The following COL9A1 variants were observed in gnomAD, a reference collection of about 807,000 sequenced individuals.
COL9A1 encodes collagen alpha-1(IX) chain.
COL9A1 carries 104 observed loss-of-function variants against 142.6 expected under a neutral mutation model. That is an observed-to-expected ratio of 0.73 (90% CI 0.62 to 0.86). COL9A1 has a LOEUF of 0.86. Ranked by LOEUF, COL9A1 falls within the 40% of genes least tolerant of loss-of-function variation. The probability of loss-of-function intolerance (pLI) is 0.00; values close to 1 mark genes in which losing one functional copy is unlikely to be tolerated. For synonymous variants in COL9A1, 466 were observed against 396.0 expected, an observed-to-expected ratio of 1.18 and a Z score of -2.10; for missense variants, 1,210 against 1,176.6, an observed-to-expected ratio of 1.03 and a Z score of -0.42.
intron 20 of COL9A1, 102 bp from the exon 21 acceptor site, chr6:70,256,923 G>GT: frequency 9.4e-7 from 1 of 1,067,580 alleles, no homozygotes; most frequent in East Asian, 2.5e-5. Flanking sequence ...TGAAAAGGAG[G>GT]TTTTGTGCCT....
chr6:70,256,915 A>C, intron 20 of COL9A1, 94 bp from the exon 21 acceptor site: 1 of 1,209,712 alleles, frequency 8.3e-7, no homozygotes, highest in Non-Finnish European at 1.2e-6. Context: ...TAGCCAGATG[A>C]AAAGGAGGTT....
chr6:70,250,558 G>A (rs897945621), intron 28 of COL9A1, among the ~76,000 whole-genome samples: 4 of 152,192 alleles, frequency 2.6e-5, no homozygotes, highest in Admixed American at 6.5e-5. Context: ...GGTGGAAGTC[G>A]GCTGACAAAT....
intron 21 of COL9A1, 113 bp downstream of exon 21, chr6:70,256,655 T>A (rs949143547): frequency 2.7e-6 from 2 of 746,912 alleles, no homozygotes; most frequent in African/African-American, 3.5e-5. Context: ...TATATATAAA[T>A]TGTCCACTTT....
chr6:70,231,339 G>A (rs1319855680), intron 36 of COL9A1, among the ~76,000 whole-genome samples: 1 of 152,184 alleles, frequency 6.6e-6, no homozygotes, highest in African/African-American at 2.4e-5. Context: ...ACTAACCATA[G>A]AGAGAGCACC....
chr6:70,281,047 G>A lies in COL9A1; in HGVS notation c.877-8C>T. On this transcript the variant is annotated splice_region_variant and splice_polypyrimidine_tract_variant and intron_variant, in intron 8 of 37. Coordinates refer to ENST00000357250, the MANE Select transcript of COL9A1 (RefSeq NM_001851.6). ...CTTAGGACCTCGGTCACCCTGGAGG[G>A]GTAGGAGAAAAAGAGAGAGCAGTCT... 4 of 1,606,036 alleles carry A rather than the reference G, an allele frequency of 2.5e-6. No individual in the cohort carries two copies. The highest frequency in any genetic ancestry group is 2.2e-5 in the East Asian group (1 of 44,760).
intron 26 of COL9A1, 118 bp downstream of exon 26, chr6:70,253,267 T>C: frequency 1.4e-6 from 1 of 699,922 alleles, no homozygotes; most frequent in East Asian, 2.8e-5. Flanking sequence ...CCTTTTTATT[T>C]CTCCCTAGGG....
At chr6:70,274,185 G>T (rs1055080138) in intron 11 of COL9A1, 103 bp from the exon 12 acceptor site, 48 of 693,646 alleles carry the variant, frequency 6.9e-5, no homozygotes, top group African/African-American at 6.9e-4. Flanking sequence ...CCATTATGGT[G>T]TTTTTTTTTT....
chr6:70,254,556 T>C lies in COL9A1; in HGVS notation c.1666-27A>G, dbSNP rs753915603. 1.9e-6 allele frequency: 3 copies of C among 1,611,156 alleles called. No individual in the cohort carries two copies. The South Asian group carries it at 3.3e-5, about 18-fold the overall frequency. On this transcript the variant is annotated intron_variant, in intron 24 of 37. Coordinates refer to ENST00000357250, the MANE Select transcript of COL9A1 (RefSeq NM_001851.6). ...TGCAAAAAAAGCTTTTATCACATGA[T>C]TGAACCTGTATGAGCTGCTGTATTT...
At chr6:70,258,842 A>G (rs1418296686) in intron 20 of COL9A1, among the ~76,000 whole-genome samples, 2 of 152,174 alleles carry the variant, frequency 1.3e-5, no homozygotes, top group South Asian at 2.1e-4. Context: ...ATCTCAAATG[A>G]AGACCATATC....
intron 37 of COL9A1, among the ~76,000 whole-genome samples, chr6:70,224,372 G>A (rs1583203273): frequency 2.0e-5 from 3 of 152,142 alleles, no homozygotes; most frequent in East Asian, 1.9e-4. Context: ...AGCACACATG[G>A]AGCTGATCTT....
chr6:70,270,716 T>C (rs540184642), intron 14 of COL9A1, among the ~76,000 whole-genome samples: 7 of 152,338 alleles, frequency 4.6e-5, no homozygotes, highest in Non-Finnish European at 8.8e-5. Flanking sequence ...GAGCAACCTA[T>C]ACTGCTAGTG....
rs370822868 is a variant in COL9A1, at chr6:70,283,730, G to T, written c.780+7C>A. 213 of 1,607,970 alleles carry T rather than the reference G, an allele frequency of 1.3e-4. No individual in the cohort carries two copies. The highest frequency in any genetic ancestry group is 8.3e-4 in the Middle Eastern group (5 of 6,056). Reference sequence around the variant, plus strand: ...AAGTGGCCTTTGCAGGTAGTCAGGGGACTCACCGTTATTCTGGCTGGCAGC... The same window carrying T: ...AAGTGGCCTTTGCAGGTAGTCAGGGTACTCACCGTTATTCTGGCTGGCAGC... On this transcript the variant is annotated splice_region_variant and intron_variant, in intron 6 of 37. Coordinates refer to ENST00000357250, the MANE Select transcript of COL9A1 (RefSeq NM_001851.6).
At position 70,216,498 on chromosome 6, in the gene COL9A1, T is replaced by C; in HGVS notation, c.*399A>G. On this transcript the variant is annotated 3_prime_UTR_variant, in exon 38 of 38. Coordinates refer to ENST00000357250, the MANE Select transcript of COL9A1 (RefSeq NM_001851.6). ...CTGAAACAATAATCTGAGAACAACT[T>C]CTAAATGAAAATAACTACTGCAACT... is the stretch of plus-strand genomic sequence containing the variant. 1 of 227,976 alleles carries C rather than the reference T, an allele frequency of 4.4e-6. No individual in the cohort carries two copies. The highest frequency in any genetic ancestry group is 6.4e-5 in the South Asian group (1 of 15,632). The allele number at this position is 227,976 out of a possible 1,614,324, so 14.1% of individuals were successfully genotyped here.
chr6:70,221,959 G>A (rs1768906012), intron 37 of COL9A1, among the ~76,000 whole-genome samples: 1 of 152,144 alleles, frequency 6.6e-6, no homozygotes, highest in African/African-American at 2.4e-5. Flanking sequence ...GAGAGGCAGA[G>A]AAAGAAGCGA....
chr6:70,286,754 A>G (rs1298073677), intron 5 of COL9A1, among the ~76,000 whole-genome samples: 1 of 152,204 alleles, frequency 6.6e-6, no homozygotes, highest in Admixed American at 6.5e-5. Context: ...TCCTAATTCT[A>G]TGTAGACTAA....
intron 29 of COL9A1, 75 bp downstream of exon 29, chr6:70,242,587 G>A (rs1770333301): frequency 1.6e-6 from 2 of 1,275,452 alleles, no homozygotes; most frequent in African/African-American, 2.9e-5. Context: ...ATTGTAAATT[G>A]TTTTCTCCTC....
intron 20 of COL9A1, among the ~76,000 whole-genome samples, chr6:70,257,115 C>T (rs1419153970): frequency 1.5e-5 from 2 of 133,636 alleles, no homozygotes; most frequent in African/African-American, 5.8e-5. Context: ...GGCTGGAGTG[C>T]AGTGGCGCCA....
intron 17 of COL9A1, among the ~76,000 whole-genome samples, chr6:70,268,422 C>T (rs750212166): frequency 1.3e-5 from 2 of 152,088 alleles, no homozygotes; most frequent in East Asian, 1.9e-4. Context: ...CCTCTGTTGT[C>T]CAGGTTGGTC....
intron 25 of COL9A1, 95 bp from the exon 26 acceptor site, chr6:70,253,524 T>A: frequency 1.1e-6 from 1 of 883,494 alleles, no homozygotes; most frequent in Non-Finnish European, 1.9e-6. Flanking sequence ...GCTGAGGGAA[T>A]CATGATAACC....
Sources: allele counts gnomAD v4.1 joint callset (sites outside exome capture counted in the v4.1 genomes callset), GRCh38; gene constraint gnomAD v4.1.1; transcripts MANE v1.5; gene names NCBI Gene and HGNC (gene_info 2026-07-23, HGNC 2026-07-21).